TAB2: variants seen among roughly 807,000 people sequenced by gnomAD.
TAB2 encodes TGF-beta-activated kinase 1 and MAP3K7-binding protein 2.
Under a neutral mutation model 65.0 loss-of-function variants are expected in TAB2, and 3 were observed. The observed-to-expected ratio is 0.05, with a 90% CI of 0.02 to 0.12. The LOEUF (loss-of-function observed/expected upper bound fraction) is 0.12. TAB2 is among the 10% of genes least tolerant of loss of function. The pLI, the probability that TAB2 is intolerant of heterozygous loss-of-function variation, is 1.00. For synonymous variants in TAB2, 298 were observed against 285.1 expected, an observed-to-expected ratio of 1.05 and a Z score of -0.46; for missense variants, 623 against 840.3, an observed-to-expected ratio of 0.74 and a Z score of 3.20.
intron 1 of TAB2, among the ~76,000 whole-genome samples, chr6:149,298,601 T>C (rs938344997): frequency 1.3e-5 from 2 of 152,162 alleles, no homozygotes; most frequent in Admixed American, 6.5e-5. Flanking sequence ...AGAGAGACCC[T>C]GTCTCAACAA....
chr6:149,385,490 TG>T (rs1381420284), intron 3 of TAB2, among the ~76,000 whole-genome samples: 1 of 152,232 alleles, frequency 6.6e-6, no homozygotes, highest in Non-Finnish European at 1.5e-5. Flanking sequence ...AGCAAGACTT[TG>T]TCTCTAAAAT....
upstream of TAB2, among the ~76,000 whole-genome samples, chr6:149,316,948 G>A (rs114014387): frequency 0.027 from 4,147 of 151,840 alleles, 209 homozygotes; most frequent in African/African-American, 0.096. Flanking sequence ...GTGCGATCCG[G>A]CTCCAAGGGG....
In TAB2 at chr6:149,298,405, A is replaced by G. The variant is rs780812085; in HGVS notation, c.-120-79613A>G. Among the ~76,000 whole-genome samples, 85 of 152,162 alleles carry G rather than the reference A, an allele frequency of 5.6e-4. 1 individual carries two copies. The highest frequency in any genetic ancestry group is 2.1e-4 in the Non-Finnish European group (14 of 68,018). ...GCACTTGGGGAAGCCAAGGTGGGCAATGGCTTGAGCCTGGAGTTTGAGACC... is the reference window on the plus strand; with the variant it reads ...GCACTTGGGGAAGCCAAGGTGGGCAGTGGCTTGAGCCTGGAGTTTGAGACC... On this transcript the variant is annotated intron_variant, in intron 1 of 1. Transcript: ENST00000606202.
At chr6:149,303,294 C>G (rs1008536118) in intron 1 of TAB2, among the ~76,000 whole-genome samples, 1 of 152,230 alleles carries the variant, frequency 6.6e-6, no homozygotes, top group Admixed American at 6.5e-5. Flanking sequence ...CAAAACCATC[C>G]TTTCCACTGT....
intron 5 of TAB2, 33 bp downstream of exon 5, chr6:149,398,095 T>A (rs776281863): frequency 2.5e-6 from 4 of 1,571,288 alleles, no homozygotes; most frequent in East Asian, 2.3e-5. Context: ...CTGAAATTCA[T>A]CGTATTTAAT....
At chr6:149,409,455 G>T in intron 6 of TAB2, 122 bp from the exon 7 acceptor site, 1 of 838,392 alleles carries the variant, frequency 1.2e-6, no homozygotes. Flanking sequence ...GTGTCAGCTA[G>T]ATGCCCCATT....
intron 1 of TAB2, among the ~76,000 whole-genome samples, chr6:149,336,500 G>A (rs1163850069): frequency 6.6e-6 from 1 of 152,096 alleles, no homozygotes; most frequent in African/African-American, 2.4e-5. Flanking sequence ...CATAGCACAT[G>A]TCTCCGGGGA....
chr6:149,336,162 C>T (rs1779928261), intron 1 of TAB2, among the ~76,000 whole-genome samples: 1 of 152,186 alleles, frequency 6.6e-6, no homozygotes, highest in African/African-American at 2.4e-5. Context: ...CGTAGTAGTG[C>T]TTAACCAATA....
At chr6:149,292,169 A>G (rs1477161390) in intron 1 of TAB2, among the ~76,000 whole-genome samples, 1 of 152,186 alleles carries the variant, frequency 6.6e-6, no homozygotes, top group African/African-American at 2.4e-5. Flanking sequence ...TGCAGAATGT[A>G]AGTATAAGAA....
chr6:149,323,001 G>A (rs980132326), intron 1 of TAB2, among the ~76,000 whole-genome samples: 8 of 152,116 alleles, frequency 5.3e-5, no homozygotes, highest in Non-Finnish European at 8.8e-5. Context: ...TGCAGAACAT[G>A]TCTTCCTTTC....
intron 1 of TAB2, among the ~76,000 whole-genome samples, chr6:149,237,191 A>C (rs1178762482): frequency 1.3e-5 from 2 of 152,202 alleles, no homozygotes; most frequent in Non-Finnish European, 2.9e-5. Flanking sequence ...ATGAGACAAA[A>C]ACCATGGATA....
chr6:149,262,193 C>A (rs1236904455), intron 1 of TAB2, among the ~76,000 whole-genome samples: 1 of 152,178 alleles, frequency 6.6e-6, no homozygotes, highest in East Asian at 1.9e-4. Context: ...CACTCCTATA[C>A]CAAGCATCAA....
intron 1 of TAB2, among the ~76,000 whole-genome samples, chr6:149,361,452 G>A (rs181732268): frequency 6.6e-6 from 1 of 152,316 alleles, no homozygotes; most frequent in East Asian, 1.9e-4. Flanking sequence ...TGGATTCAGG[G>A]AGCAGTGTCC....
chr6:149,379,555 C>A, intron 3 of TAB2, 37 bp downstream of exon 3: 1 of 1,602,642 alleles, frequency 6.2e-7, no homozygotes, highest in Non-Finnish European at 8.5e-7. Flanking sequence ...GTTTTCCATG[C>A]TGGGCTTGTT....
At chr6:149,308,956 C>T (rs751860517) in intron 1 of TAB2, among the ~76,000 whole-genome samples, 12 of 152,024 alleles carry the variant, frequency 7.9e-5, no homozygotes, top group Admixed American at 1.3e-4. Flanking sequence ...AGGGCCAGAC[C>T]ATCTTCTTAA....
At chr6:149,403,267 T>TACACAC (rs1346697761) in intron 6 of TAB2, among the ~76,000 whole-genome samples, 1 of 48,422 alleles carries the variant, frequency 2.1e-5, no homozygotes, top group African/African-American at 1.2e-4. Flanking sequence ...TATATATATA[T>TACACAC]ATATATATAT....
At chr6:149,315,194 T>A (rs1779228672), upstream of TAB2, among the ~76,000 whole-genome samples, 1 of 152,220 alleles carries the variant, frequency 6.6e-6, no homozygotes, top group Non-Finnish European at 1.5e-5. Context: ...CTCTGAAGTT[T>A]AAAGCTCTTG....
chr6:149,234,864 G>GAAAAAAAAAAAA (rs386408903), intron 1 of TAB2, among the ~76,000 whole-genome samples: 1 of 95,488 alleles, frequency 1.0e-5, no homozygotes. Context: ...TAGAGAGTGT[G>GAAAAAAAAAAAA]AAAAAAAAAA....
intron 1 of TAB2, among the ~76,000 whole-genome samples, chr6:149,252,331 G>A (rs971569165): frequency 6.6e-5 from 10 of 151,734 alleles, no homozygotes; most frequent in Non-Finnish European, 1.5e-4. Flanking sequence ...TCTTGAACCC[G>A]GGAGGCTGCC....
Sources: gnomAD v4.1 joint callset for allele counts (sites outside exome capture counted in the v4.1 genomes callset) on GRCh38, gnomAD v4.1.1 for gene constraint, MANE v1.5 for transcripts, NCBI Gene and HGNC (gene_info 2026-07-23, HGNC 2026-07-21) for gene names.